The following RAB3IP variants were observed in gnomAD, a reference collection of about 807,000 sequenced individuals.
RAB3IP encodes RAB3A interacting protein.
In RAB3IP, 36 loss-of-function variants were observed where a neutral mutation model predicts 59.1. That is an observed-to-expected ratio of 0.61 (90% CI 0.47 to 0.80). The LOEUF is 0.80. Ranked by LOEUF, RAB3IP falls within the 30% of genes least tolerant of loss-of-function variation. The pLI, the probability that RAB3IP is intolerant of heterozygous loss-of-function variation, is 0.00. For synonymous variants in RAB3IP, 207 were observed against 191.2 expected (o/e 1.08, Z -0.68); for missense variants, 511 against 536.0 (o/e 0.95, Z 0.46).
At chr12:69,762,774 AAAAAAG>A (rs1344125791) in intron 3 of RAB3IP, among the ~76,000 whole-genome samples, 105 of 149,638 alleles carry the variant, frequency 7.0e-4, no homozygotes, top group South Asian at 3.4e-3. Flanking sequence ...AAAAAAAAAA[AAAAAAG>A]AAAAAAGAGA....
At chr12:69,764,861 T>C (rs1253380904) in intron 3 of RAB3IP, among the ~76,000 whole-genome samples, 5 of 152,164 alleles carry the variant, frequency 3.3e-5, no homozygotes, top group Non-Finnish European at 7.4e-5. Flanking sequence ...TTTCACCCCC[T>C]TGGTTGGATG....
chr12:69,769,713 C>T (rs984634212), intron 3 of RAB3IP, among the ~76,000 whole-genome samples: 2 of 151,932 alleles, frequency 1.3e-5, no homozygotes, highest in Non-Finnish European at 2.9e-5. Flanking sequence ...GTGTAGGGGG[C>T]AAAAATAATA....
At chr12:69,739,702 A>T in intron 1 of RAB3IP, 1 of 783,312 alleles carries the variant, frequency 1.3e-6, no homozygotes, top group Non-Finnish European at 2.1e-6. Context: ...GGGGGAGTTG[A>T]GACGAACTGC....
intron 3 of RAB3IP, among the ~76,000 whole-genome samples, chr12:69,780,441 G>T (rs543011449): frequency 5.3e-5 from 8 of 152,302 alleles, no homozygotes; most frequent in African/African-American, 1.9e-4. Flanking sequence ...ACAGAGGCTG[G>T]CAAACCCACC....
At chr12:69,798,368 GTTGT>G (rs201960040) in intron 6 of RAB3IP, among the ~76,000 whole-genome samples, 18,717 of 150,456 alleles carry the variant, frequency 0.12, 1,559 homozygotes, top group East Asian at 0.38. Flanking sequence ...TTTTGATGGG[GTTGT>G]TTGTTTTTTT....
chr12:69,763,985 A>C lies in RAB3IP; in HGVS notation c.510+7322A>C, dbSNP rs111499315. ...TAATATTCCTTGGTGTATATGCACT[A>C]CATTTTCTTTATCTGATCCACTGTT... On this transcript the variant is annotated intron_variant, in intron 3 of 10. Coordinates refer to ENST00000247833, the MANE Select transcript of RAB3IP (RefSeq NM_022456.5). Among the ~76,000 whole-genome samples, 63 of 152,330 alleles carry C rather than the reference A, an allele frequency of 4.1e-4. 1 individual carries two copies. Among genetic ancestry groups the C allele is most frequent in the African/African-American group, 1.5e-3 (61 of 41,584 alleles).
At chr12:69,783,491 G>GGGTGAGACTCCGTCCTTCT (rs1188189890) in intron 3 of RAB3IP, among the ~76,000 whole-genome samples, 1 of 152,038 alleles carries the variant, frequency 6.6e-6, no homozygotes, top group African/African-American at 2.4e-5. Context: ...TTTCCCCTTA[G>GGGTGAGACTCCGTCCTTCT]GGTGAGACTC....
rs189959384 is a variant in RAB3IP at position 69,780,901 on chromosome 12, A to G, written c.511-3819A>G. ...TATATATCTTAAAAGTTCTTTATATACTACCTTTGTTTCCTGCCATAAACA... is the reference window on the plus strand; with the variant it reads ...TATATATCTTAAAAGTTCTTTATATGCTACCTTTGTTTCCTGCCATAAACA... On this transcript the variant is annotated intron_variant, in intron 3 of 10. Coordinates refer to ENST00000247833, the MANE Select transcript of RAB3IP (RefSeq NM_022456.5). Among the ~76,000 whole-genome samples the G allele has an allele frequency of 1.1e-4, 17 of 152,124 alleles. No individual in the cohort carries two copies. In the East Asian group the frequency reaches 2.7e-3, roughly 24 times the overall value.
rs1872542446 is a variant in RAB3IP at position 69,768,210 on chromosome 12, C to G, written c.510+11547C>G. Among the ~76,000 whole-genome samples, 4 of 152,166 alleles carry G rather than the reference C, an allele frequency of 2.6e-5. No homozygotes were observed. The South Asian group carries it at 8.3e-4, about 32-fold the overall frequency. ...CCAGATGCACAGGCACTCTGAATGC[C>G]TGGAGATCTGCCTGGGCATGGACCA... On this transcript the variant is annotated intron_variant, in intron 3 of 10. Coordinates refer to ENST00000247833, the MANE Select transcript of RAB3IP (RefSeq NM_022456.5).
intron 1 of RAB3IP, among the ~76,000 whole-genome samples, chr12:69,749,828 C>T (rs918358937): frequency 6.6e-6 from 1 of 152,208 alleles, no homozygotes; most frequent in Admixed American, 6.5e-5. Flanking sequence ...ATTGCCTCTA[C>T]TTGTCAGTCT....
Position 69,800,387 on chromosome 12 carries a change from T to A in RAB3IP, c.1017+50T>A, listed in dbSNP as rs186646313. 246 of 1,121,694 alleles carry A rather than the reference T, an allele frequency of 2.2e-4. 1 individual carries two copies. The East Asian group carries it at 5.7e-3, about 26-fold the overall frequency. The allele number at this position is 1,121,694 out of a possible 1,614,324, so 69.5% of individuals were successfully genotyped here. Reference sequence around the variant, plus strand: ...AATTCATTATAGTTGTTTCTGTACTTCTTTTAAACTAAATCATATTACATA... The same window carrying A: ...AATTCATTATAGTTGTTTCTGTACTACTTTTAAACTAAATCATATTACATA... On this transcript the variant is annotated intron_variant, in intron 7 of 10. Transcript: ENST00000247833.
At chr12:69,789,567 A>G (rs181196890) in intron 4 of RAB3IP, among the ~76,000 whole-genome samples, 2 of 152,296 alleles carry the variant, frequency 1.3e-5, no homozygotes, top group East Asian at 1.9e-4. Context: ...AGAAGAGGGA[A>G]CCCTTCCAAA....
chr12:69,754,848 C>T lies in RAB3IP; in HGVS notation c.-25-536C>T, dbSNP rs563083182. Among the ~76,000 whole-genome samples the T allele has an allele frequency of 5.9e-5, 9 of 152,138 alleles. No homozygotes were observed. The South Asian group carries it at 1.9e-3, about 32-fold the overall frequency. On this transcript the variant is annotated intron_variant, in intron 1 of 10. Coordinates refer to ENST00000247833, the MANE Select transcript of RAB3IP (RefSeq NM_022456.5). ...TGTTAGATTTTGTTTTTAGTATTTT[C>T]ATATTTAAATAGTATACTGAGATAA...
At chr12:69,759,666 A>ATCTC (rs1870917406) in intron 3 of RAB3IP, among the ~76,000 whole-genome samples, 1 of 117,964 alleles carries the variant, frequency 8.5e-6, no homozygotes, top group Non-Finnish European at 1.7e-5. Flanking sequence ...CTGAACCCCC[A>ATCTC]CCTCCCGGAC....
intron 3 of RAB3IP, among the ~76,000 whole-genome samples, chr12:69,781,751 C>T (rs996166391): frequency 6.6e-6 from 1 of 152,118 alleles, no homozygotes; most frequent in Non-Finnish European, 1.5e-5. Context: ...TCTGGATGTA[C>T]CACAGTGTAT....
At chr12:69,745,060 A>G (rs1490401203) in intron 1 of RAB3IP, among the ~76,000 whole-genome samples, 1 of 152,214 alleles carries the variant, frequency 6.6e-6, no homozygotes, top group African/African-American at 2.4e-5. Context: ...TAAGGTAAGT[A>G]GACACAATAG....
intron 3 of RAB3IP, among the ~76,000 whole-genome samples, chr12:69,761,942 A>G (rs1871376809): frequency 6.6e-6 from 1 of 152,070 alleles, no homozygotes; most frequent in South Asian, 2.1e-4. Context: ...TTTTATTGTT[A>G]TTTGTATCTA....
At chr12:69,760,102 G>A (rs1408606212) in intron 3 of RAB3IP, among the ~76,000 whole-genome samples, 2 of 152,274 alleles carry the variant, frequency 1.3e-5, no homozygotes, top group African/African-American at 4.8e-5. Flanking sequence ...TGAGCCCTGA[G>A]TGAATGAGAC....
intron 1 of RAB3IP, among the ~76,000 whole-genome samples, chr12:69,746,442 T>G (rs927580931): frequency 1.3e-5 from 2 of 152,288 alleles, no homozygotes; most frequent in Non-Finnish European, 2.9e-5. Context: ...ACTGAAAATC[T>G]GACTTATATT....
Sources: allele counts gnomAD v4.1 joint callset (sites outside exome capture counted in the v4.1 genomes callset), GRCh38; gene constraint gnomAD v4.1.1; transcripts MANE v1.5; gene names NCBI Gene and HGNC (gene_info 2026-07-23, HGNC 2026-07-21).